Variants in MAST2 observed in about 807,000 individuals in gnomAD.
MAST2 encodes the protein microtubule-associated serine/threonine-protein kinase 2.
MAST2 carries 70 observed loss-of-function variants against 147.4 expected under a neutral mutation model. The observed-to-expected ratio is 0.47, with a 90% CI of 0.39 to 0.58. The LOEUF (loss-of-function observed/expected upper bound fraction) is 0.58. MAST2 is among the 20% of genes least tolerant of loss of function. The pLI is 0.00. For missense variants in MAST2, 2,080 were observed against 2,302.3 expected, an observed-to-expected ratio of 0.90 and a Z score of 1.98; for synonymous variants, 869 against 896.8, an observed-to-expected ratio of 0.97 and a Z score of 0.55.
At chr1:45,822,570 C>G (rs1439903957) in intron 1 of MAST2, among the ~76,000 whole-genome samples, 1 of 152,158 alleles carries the variant, frequency 6.6e-6, no homozygotes, top group Non-Finnish European at 1.5e-5. Flanking sequence ...GATTATTCAT[C>G]CATACAGTGT....
intron 3 of MAST2, among the ~76,000 whole-genome samples, chr1:45,841,999 G>A (rs1645291538): frequency 6.6e-6 from 1 of 152,160 alleles, no homozygotes; most frequent in African/African-American, 2.4e-5. Context: ...ACCAGATGCT[G>A]GCTTTAGATA....
intron 4 of MAST2, among the ~76,000 whole-genome samples, chr1:45,935,727 A>C (rs2148751538): frequency 6.6e-6 from 1 of 152,266 alleles, no homozygotes; most frequent in South Asian, 2.1e-4. Flanking sequence ...TGGATTCTCT[A>C]ACCTTTTCTA....
intron 1 of MAST2, among the ~76,000 whole-genome samples, chr1:45,813,189 A>G (rs1249339981): frequency 6.6e-6 from 1 of 152,164 alleles, no homozygotes; most frequent in Non-Finnish European, 1.5e-5. Flanking sequence ...AATAGTGACA[A>G]GAAAAAAATA....
chr1:45,913,610 G>C (rs1652003366), intron 4 of MAST2: 2 of 994,738 alleles, frequency 2.0e-6, no homozygotes, highest in Non-Finnish European at 2.4e-6. Context: ...TCTGGAACTT[G>C]TCACTGTCCC....
intron 4 of MAST2, among the ~76,000 whole-genome samples, chr1:45,911,807 G>A (rs1375073777): frequency 6.7e-6 from 1 of 148,808 alleles, no homozygotes; most frequent in Admixed American, 6.7e-5. Flanking sequence ...TAATAGTTAA[G>A]CACTTAATAA....
intron 5 of MAST2, among the ~76,000 whole-genome samples, chr1:45,973,100 T>A (rs570243991): frequency 6.6e-6 from 1 of 152,284 alleles, no homozygotes; most frequent in Non-Finnish European, 1.5e-5. Flanking sequence ...ATTGTAAAAA[T>A]TTTAGCTCTT....
chr1:45,818,325 G>A (rs1411725582), intron 1 of MAST2, among the ~76,000 whole-genome samples: 1 of 152,162 alleles, frequency 6.6e-6, no homozygotes, highest in African/African-American at 2.4e-5. Flanking sequence ...ACCTTTATTT[G>A]ATGCAAGTTT....
intron 4 of MAST2, among the ~76,000 whole-genome samples, chr1:45,899,587 A>T (rs1055445354): frequency 6.6e-6 from 1 of 151,914 alleles, no homozygotes; most frequent in Non-Finnish European, 1.5e-5. Flanking sequence ...GAGTTATTTC[A>T]TATAGAATAA....
intron 5 of MAST2, among the ~76,000 whole-genome samples, chr1:45,994,517 C>A (rs1301327415): frequency 5.9e-5 from 9 of 151,946 alleles, no homozygotes; most frequent in African/African-American, 2.2e-4. Context: ...GAACCCCTAA[C>A]CTCAGGCGAT....
intron 24 of MAST2, 32 bp from the exon 25 acceptor site, chr1:46,032,146 G>A: frequency 6.4e-7 from 1 of 1,564,054 alleles, no homozygotes; most frequent in Non-Finnish European, 8.8e-7. Context: ...AAAGCCCTCT[G>A]ACCCACTAAG....
chr1:45,967,060 C>T (rs893654894), intron 5 of MAST2, among the ~76,000 whole-genome samples: 1 of 151,500 alleles, frequency 6.6e-6, no homozygotes, highest in Non-Finnish European at 1.5e-5. Context: ...AATCCCAGCA[C>T]TTTGGGGAGG....
rs761571653 is a variant in MAST2 at position 46,028,808 on chromosome 1, T to TG, written c.2094dup (p.Arg699AlafsTer19). The TG allele has an allele frequency of 1.9e-6, 3 of 1,614,176 alleles. No individual in the cohort carries two copies. The highest frequency in any genetic ancestry group is 2.5e-6 in the Non-Finnish European group (3 of 1,180,006). On this transcript the variant is annotated frameshift_variant, in exon 18 of 29. Coordinates refer to ENST00000361297, the MANE Select transcript of MAST2 (RefSeq NM_015112.3). LOFTEE classifies it high-confidence loss of function. ...GAATACATTGCGCCTGAGGTGATCC[T>TG]GCGCCAGGGCTATGGGAAGCCAGTG...
chr1:45,958,354 C>A (rs1659937977), intron 4 of MAST2, among the ~76,000 whole-genome samples: 1 of 152,078 alleles, frequency 6.6e-6, no homozygotes, highest in South Asian at 2.1e-4. Flanking sequence ...CAAATTTGTT[C>A]TTGTCTCAGT....
intron 5 of MAST2, among the ~76,000 whole-genome samples, chr1:45,990,829 G>C (rs1000521088): frequency 2.0e-5 from 3 of 152,022 alleles, no homozygotes; most frequent in Non-Finnish European, 4.4e-5. Flanking sequence ...TCTATGGTCT[G>C]TCTTTTTCAT....
Position 45,969,491 on chromosome 1 carries a change from C to T in MAST2, c.592+10014C>T, listed in dbSNP as rs538714157. Among the ~76,000 whole-genome samples the T allele has an allele frequency of 9.7e-4, 148 of 152,242 alleles. 1 individual carries two copies. Among genetic ancestry groups the T allele is most frequent in the Non-Finnish European group, 1.5e-3 (105 of 68,016 alleles). ...AGCCGCTCCTTATCACTCACATTAC[C>T]GCCTGAGCTCTGCCTCCTGTCAGAT... On this transcript the variant is annotated intron_variant, in intron 5 of 28. Transcript: ENST00000361297.
rs541208975 is a variant in MAST2, at chr1:45,923,701, T to G, written c.501-35685T>G. On this transcript the variant is annotated intron_variant, in intron 4 of 28. Transcript: ENST00000361297. Reference sequence around the variant, plus strand: ...GTCTCCATCTGAGATATTTTCATTATGTAATATCATACGTTCTGAACCAAA... The same window carrying G: ...GTCTCCATCTGAGATATTTTCATTAGGTAATATCATACGTTCTGAACCAAA... Among the ~76,000 whole-genome samples, 507 of 152,350 alleles carry G rather than the reference T, an allele frequency of 3.3e-3. 1 individual carries two copies. The highest frequency in any genetic ancestry group is 6.4e-3 in the Non-Finnish European group (436 of 68,028).
intron 5 of MAST2, among the ~76,000 whole-genome samples, chr1:45,978,459 T>C (rs949782998): frequency 6.6e-6 from 1 of 152,042 alleles, no homozygotes; most frequent in Non-Finnish European, 1.5e-5. Context: ...GAGGTTGCAG[T>C]GAGCAAAGAT....
chr1:45,964,226 C>A (rs939043292), intron 5 of MAST2, among the ~76,000 whole-genome samples: 4 of 152,066 alleles, frequency 2.6e-5, no homozygotes, highest in Non-Finnish European at 4.4e-5. Context: ...TGATGCCGGC[C>A]TCATAAAATG....
intron 4 of MAST2, among the ~76,000 whole-genome samples, chr1:45,935,108 A>G (rs1655987894): frequency 6.6e-6 from 1 of 152,192 alleles, no homozygotes; most frequent in African/African-American, 2.4e-5. Flanking sequence ...TTAGTGTAAA[A>G]TGGTATCTCC....
Sources: gnomAD v4.1 joint callset for allele counts (sites outside exome capture counted in the v4.1 genomes callset) on GRCh38, gnomAD v4.1.1 for gene constraint, MANE v1.5 for transcripts, NCBI Gene and HGNC (gene_info 2026-07-23, HGNC 2026-07-21) for gene names.